WNK3: variants seen among roughly 807,000 people sequenced by gnomAD.
The protein encoded by WNK3 is WNK lysine deficient protein kinase 3.
Under a neutral mutation model 116.7 loss-of-function variants are expected in WNK3, and 18 were observed. The observed-to-expected ratio is 0.15, with a 90% CI of 0.11 to 0.23. The LOEUF (loss-of-function observed/expected upper bound fraction) is 0.23. WNK3 is among the 10% of genes least tolerant of loss of function. The pLI is 1.00. For missense variants in WNK3, 993 were observed against 1,323.8 expected (o/e 0.75, Z 3.88); for synonymous variants, 404 against 469.4 (o/e 0.86, Z 1.80).
At chrX:54,215,534 C>G (rs1210692163) in intron 22 of WNK3, among the ~76,000 whole-genome samples, 1 of 112,337 alleles carries the variant, frequency 8.9e-6, no homozygotes, top group Admixed American at 9.4e-5. Context: ...GATCTCCGCT[C>G]GCTACAACCT....
chrX:54,273,485 T>C (rs2068407416), intron 10 of WNK3, among the ~76,000 whole-genome samples: 2 of 111,604 alleles, frequency 1.8e-5, no homozygotes, highest in African/African-American at 6.5e-5. Flanking sequence ...GAGGTTGCAG[T>C]GAGCCAAGAT....
chrX:54,311,563 C>G (rs782577206), intron 2 of WNK3, among the ~76,000 whole-genome samples: 1 of 111,689 alleles, frequency 9.0e-6, no homozygotes, highest in Non-Finnish European at 1.9e-5. Flanking sequence ...AAAACAGTAT[C>G]TCAAAATGAA....
chrX:54,223,724 T>C, intron 22 of WNK3: 1 of 146,151 alleles, frequency 6.8e-6, no homozygotes, highest in Non-Finnish European at 1.4e-5. Context: ...CAGGGATTAA[T>C]GCTGTCACCA....
chrX:54,285,765 T>C (rs1569537869), intron 10 of WNK3, among the ~76,000 whole-genome samples: 2 of 112,035 alleles, frequency 1.8e-5, no homozygotes, highest in Non-Finnish European at 3.8e-5. Context: ...TGGGGTTACA[T>C]AGGTGTAAGC....
At chrX:54,253,536 G>A (rs1557154842) in intron 13 of WNK3, among the ~76,000 whole-genome samples, 2 of 110,785 alleles carry the variant, frequency 1.8e-5, no homozygotes, top group Non-Finnish European at 3.8e-5. Flanking sequence ...CAAAGTGCGG[G>A]GATTACAGGC....
intron 10 of WNK3, among the ~76,000 whole-genome samples, chrX:54,286,455 ATATTAT>A (rs2068581480): frequency 9.0e-6 from 1 of 111,574 alleles, no homozygotes; most frequent in Admixed American, 9.7e-5. Context: ...GTAGAGTAAT[ATATTAT>A]CACTAGAAAA....
chrX:54,222,915 A>AATAAAT (rs1491230973), intron 22 of WNK3, among the ~76,000 whole-genome samples: 3 of 81,020 alleles, frequency 3.7e-5, no homozygotes, highest in Admixed American at 1.5e-4. Flanking sequence ...TAATAATAAT[A>AATAAAT]ATATATATAT....
intron 19 of WNK3, 44 bp downstream of exon 19, chrX:54,238,298 T>C: frequency 6.8e-6 from 8 of 1,176,232 alleles, no homozygotes; most frequent in Non-Finnish European, 9.1e-6. Context: ...GCTGTTATAT[T>C]TTATAATGCC....
intron 4 of WNK3, 92 bp downstream of exon 4, chrX:54,309,003 C>T: frequency 1.4e-6 from 1 of 724,775 alleles, no homozygotes; most frequent in African/African-American, 2.1e-5. Flanking sequence ...CACATTCATC[C>T]CACTGGCCAT....
At chrX:54,294,576 T>C (rs2068675679) in exon 8 of WNK3, 2 of 1,191,830 alleles carry the variant, frequency 1.7e-6, no homozygotes, top group South Asian at 3.7e-5. Flanking sequence ...GCAGTGCTGC[T>C]GTGGTTTTCT....
chrX:54,320,899 C>A (rs1307820944), intron 2 of WNK3, among the ~76,000 whole-genome samples: 1 of 109,096 alleles, frequency 9.2e-6, no homozygotes, highest in Non-Finnish European at 1.9e-5. Context: ...TCAATGTTTT[C>A]TTTTCTTTTT....
intron 10 of WNK3, among the ~76,000 whole-genome samples, chrX:54,265,955 C>T (rs1324672069): frequency 2.8e-5 from 3 of 108,926 alleles, no homozygotes; most frequent in African/African-American, 1.0e-4. Flanking sequence ...GAGGCTGCAG[C>T]GAGCCGAGAT....
At position 54,352,728 on chromosome X, in the gene WNK3, A is replaced by G. The variant is rs1460121181; in HGVS notation, c.-120+4958T>C. On this transcript the variant is annotated intron_variant, in intron 1 of 23. Transcript: ENST00000354646. The stretch of plus-strand genomic sequence containing the variant: ...TGACCTAGCAGTTGCGCTCCTAGGT[A>G]TACCCAAAATAAATGAAAACAGGTA... Among the ~76,000 whole-genome samples the G allele has an allele frequency of 7.2e-5, 8 of 111,797 alleles. No homozygotes were observed. In the Admixed American group the frequency reaches 7.7e-4, roughly 11 times the overall value.
intron 22 of WNK3, among the ~76,000 whole-genome samples, chrX:54,203,863 C>T (rs2067524705): frequency 9.1e-6 from 1 of 110,059 alleles, no homozygotes; most frequent in African/African-American, 3.3e-5. Flanking sequence ...AAGAGAATCG[C>T]TTGAACCAGG....
chrX:54,358,355 A>AGAC (rs146483669), upstream of WNK3, among the ~76,000 whole-genome samples: 1 of 12,821 alleles, frequency 7.8e-5, no homozygotes, highest in Admixed American at 2.9e-3. Context: ...CTCCCCTCAG[A>AGAC]GAAGAAGAAG....
intron 2 of WNK3, among the ~76,000 whole-genome samples, chrX:54,323,801 C>T (rs1485194601): frequency 9.0e-6 from 1 of 111,265 alleles, no homozygotes; most frequent in African/African-American, 3.3e-5. Context: ...AGGCCTGTGT[C>T]TGCTTTTTCT....
At chrX:54,292,646 C>T (rs1052398917) in intron 10 of WNK3, among the ~76,000 whole-genome samples, 3 of 93,734 alleles carry the variant, frequency 3.2e-5, no homozygotes, top group Admixed American at 1.4e-4. Context: ...GTGGAGGTTG[C>T]GGTGAGCCGA....
chrX:54,333,771 G>T, exon 2 of WNK3: 1 of 620,484 alleles, frequency 1.6e-6, no homozygotes, highest in East Asian at 3.4e-5. Context: ...CCTTTTGCGT[G>T]GTCATGTATT....
chrX:54,199,922 A>G (rs1174528985), intron 23 of WNK3, among the ~76,000 whole-genome samples: 1 of 112,378 alleles, frequency 8.9e-6, no homozygotes, highest in East Asian at 2.8e-4. Flanking sequence ...CCTTAGATCC[A>G]TTGTGCACTA....
Sources: gnomAD v4.1 joint callset for allele counts (sites outside exome capture counted in the v4.1 genomes callset) on GRCh38, gnomAD v4.1.1 for gene constraint, MANE v1.5 for transcripts, NCBI Gene and HGNC (gene_info 2026-07-23, HGNC 2026-07-21) for gene names.